TRHDE: variants seen among roughly 807,000 people sequenced by gnomAD.
TRHDE encodes the protein thyrotropin releasing hormone degrading enzyme.
Under a neutral mutation model 125.7 loss-of-function variants are expected in TRHDE, and 72 were observed. The ratio of observed to expected loss-of-function variants is 0.57; its 90% confidence interval spans 0.47 to 0.70. The LOEUF is 0.70. Among genes scored for constraint, TRHDE ranks in the 30% least tolerant of loss-of-function variants. The pLI is 0.00. For missense variants in TRHDE, 1,110 were observed against 1,327.1 expected, an observed-to-expected ratio of 0.84 and a Z score of 2.54; for synonymous variants, 509 against 509.1, an observed-to-expected ratio of 1.00 and a Z score of 0.00.
intron 1 of TRHDE, among the ~76,000 whole-genome samples, chr12:72,098,625 G>A (rs1019435847): frequency 6.6e-6 from 1 of 152,120 alleles, no homozygotes; most frequent in Non-Finnish European, 1.5e-5. Context: ...GCTTCAAAAG[G>A]CCAGATACAT....
At chr12:72,561,577 G>GT (rs1418490436) in intron 7 of TRHDE, among the ~76,000 whole-genome samples, 1 of 152,112 alleles carries the variant, frequency 6.6e-6, no homozygotes, top group Non-Finnish European at 1.5e-5. Context: ...GGCCCAAAAT[G>GT]TTAAATAAAC....
intron 15 of TRHDE, among the ~76,000 whole-genome samples, chr12:72,640,953 G>C (rs1874032893): frequency 6.6e-6 from 1 of 152,150 alleles, no homozygotes; most frequent in South Asian, 2.1e-4. Context: ...CATTGTCTTG[G>C]AAAATAATTA....
intron 2 of TRHDE, among the ~76,000 whole-genome samples, chr12:72,373,438 G>A (rs138491785): frequency 6.6e-6 from 1 of 152,270 alleles, no homozygotes; most frequent in African/African-American, 2.4e-5. Context: ...TTGAATAGGA[G>A]TGGTGAGAGA....
intron 3 of TRHDE, among the ~76,000 whole-genome samples, chr12:72,456,991 A>C (rs1487845652): frequency 6.6e-6 from 1 of 152,156 alleles, no homozygotes; most frequent in Non-Finnish European, 1.5e-5. Flanking sequence ...CACTTTCTTT[A>C]AACTCTCAAG....
chr12:72,103,834 G>C (rs1483658520), intron 1 of TRHDE, among the ~76,000 whole-genome samples: 1 of 152,058 alleles, frequency 6.6e-6, no homozygotes, highest in Non-Finnish European at 1.5e-5. Context: ...CCAATAAATT[G>C]TCCATTATTA....
At chr12:72,520,509 G>T (rs1296791309) in intron 6 of TRHDE, among the ~76,000 whole-genome samples, 1 of 149,648 alleles carries the variant, frequency 6.7e-6, no homozygotes, top group Non-Finnish European at 1.5e-5. Flanking sequence ...CTTGCGCACG[G>T]TGCGCGCACC....
intron 2 of TRHDE, among the ~76,000 whole-genome samples, chr12:72,146,762 T>C (rs2139317983): frequency 6.6e-6 from 1 of 152,344 alleles, no homozygotes; most frequent in East Asian, 1.9e-4. Flanking sequence ...CAATGAACCC[T>C]CTGCCTTATT....
chr12:72,524,782 T>C (rs1868304560), intron 6 of TRHDE, among the ~76,000 whole-genome samples: 1 of 152,140 alleles, frequency 6.6e-6, no homozygotes, highest in African/African-American at 2.4e-5. Flanking sequence ...ACACATGAGA[T>C]GTTCACCACA....
chr12:72,524,060 C>A (rs1394460922), intron 6 of TRHDE, among the ~76,000 whole-genome samples: 2 of 152,286 alleles, frequency 1.3e-5, no homozygotes, highest in Middle Eastern at 3.4e-3. Flanking sequence ...CTGTGCACAG[C>A]ATCCACACTG....
chr12:72,531,149 A>G (rs1275895331), intron 6 of TRHDE, among the ~76,000 whole-genome samples: 1 of 151,904 alleles, frequency 6.6e-6, no homozygotes, highest in African/African-American at 2.4e-5. Context: ...AATTCTCAAA[A>G]TTTTGTCTGG....
chr12:72,280,030 A>G (rs1218179551), intron 1 of TRHDE, among the ~76,000 whole-genome samples: 2 of 152,186 alleles, frequency 1.3e-5, no homozygotes, highest in East Asian at 3.8e-4. Context: ...TCTTTTAAAA[A>G]ATAGTTCACT....
intron 2 of TRHDE, among the ~76,000 whole-genome samples, chr12:72,110,262 T>C (rs1204137291): frequency 2.6e-5 from 4 of 152,106 alleles, no homozygotes; most frequent in Non-Finnish European, 5.9e-5. Flanking sequence ...GTCATGTATA[T>C]TGACACCTTT....
intron 17 of TRHDE, 103 bp downstream of exon 17, chr12:72,653,259 G>A: frequency 8.2e-6 from 7 of 852,620 alleles, no homozygotes; most frequent in Non-Finnish European, 1.2e-5. Context: ...AATAGGTTTA[G>A]ATATTAAAAT....
intron 3 of TRHDE, among the ~76,000 whole-genome samples, chr12:72,456,914 T>C (rs1024981988): frequency 2.0e-5 from 3 of 152,222 alleles, no homozygotes; most frequent in East Asian, 3.9e-4. Context: ...ACACTAGTAA[T>C]GGGTTTTGAA....
intron 3 of TRHDE, among the ~76,000 whole-genome samples, chr12:72,453,837 G>A (rs1443864481): frequency 6.6e-6 from 1 of 152,208 alleles, no homozygotes; most frequent in African/African-American, 2.4e-5. Flanking sequence ...CTGATTCAGA[G>A]GGTGTAAGCC....
chr12:72,516,653 T>A (rs1470273676), intron 6 of TRHDE, among the ~76,000 whole-genome samples: 1 of 152,024 alleles, frequency 6.6e-6, no homozygotes, highest in East Asian at 1.9e-4. Context: ...TCCTGCCTAA[T>A]TGCCCTGGCC....
intron 1 of TRHDE, among the ~76,000 whole-genome samples, chr12:72,102,609 A>G (rs181820149): frequency 2.6e-5 from 4 of 152,308 alleles, no homozygotes; most frequent in Admixed American, 2.6e-4. Flanking sequence ...ACCAAAAAAT[A>G]TATATGGAGC....
At position 72,181,841 on chromosome 12, in the gene TRHDE, T is replaced by C. The variant is rs1234819516; in HGVS notation, n.279+76089T>C. 7.2e-5 allele frequency among the ~76,000 whole-genome samples: 11 copies of C among 152,290 alleles called. No individual in the cohort carries two copies. In the East Asian group the frequency reaches 1.9e-3, roughly 27 times the overall value. On this transcript the variant is annotated intron_variant and non_coding_transcript_variant, in intron 2 of 4. Transcript: ENST00000548156. ...AGGAAGTTGATCAATTTTGAACTTTTATGTGCTGTCCATGGCTGTAATATA... is the reference window on the plus strand; with the variant it reads ...AGGAAGTTGATCAATTTTGAACTTTCATGTGCTGTCCATGGCTGTAATATA...
intron 2 of TRHDE, among the ~76,000 whole-genome samples, chr12:72,149,235 A>C (rs1876300650): frequency 6.6e-6 from 1 of 152,096 alleles, no homozygotes; most frequent in Non-Finnish European, 1.5e-5. Flanking sequence ...ACCTTATGTA[A>C]GGTAAGGTAT....
Sources: allele counts gnomAD v4.1 joint callset (sites outside exome capture counted in the v4.1 genomes callset), GRCh38; gene constraint gnomAD v4.1.1; transcripts MANE v1.5; gene names NCBI Gene and HGNC (gene_info 2026-07-23, HGNC 2026-07-21).